The following FBXO10 variants were observed in gnomAD, a reference collection of about 807,000 sequenced individuals.
FBXO10 encodes the protein F-box only protein 10.
Under a neutral mutation model 80.7 loss-of-function variants are expected in FBXO10, and 39 were observed. That is an observed-to-expected ratio of 0.48 (90% confidence interval 0.37 to 0.63). The LOEUF (loss-of-function observed/expected upper bound fraction) is 0.63, where lower values mean the gene tolerates loss of function less well. Among genes scored for constraint, FBXO10 ranks in the 30% least tolerant of loss-of-function variants. The probability of loss-of-function intolerance (pLI) is 0.00; values close to 1 mark genes in which losing one functional copy is unlikely to be tolerated. For synonymous variants in FBXO10, 449 were observed against 489.6 expected (o/e 0.92, Z 1.09); for missense variants, 1,025 against 1,269.0 (o/e 0.81, Z 2.92).
chr9:37,539,914 G>C (rs1821869429), intron 2 of FBXO10, among the ~76,000 whole-genome samples: 2 of 152,180 alleles, frequency 1.3e-5, no homozygotes, highest in African/African-American at 4.8e-5. Context: ...TGAGGTCACA[G>C]ATGGAAAGTC....
At chr9:37,531,851 T>G in intron 4 of FBXO10, 58 bp downstream of exon 4, 1 of 1,593,308 alleles carries the variant, frequency 6.3e-7, no homozygotes, top group East Asian at 2.3e-5. Flanking sequence ...TTAAATATCC[T>G]CACAAATGGT....
Position 37,534,416 on chromosome 9 carries a change from G to A in FBXO10, c.1420-2358C>T, listed in dbSNP as rs1001183721. ...TCGGAGCGTGCAGTGAGCCCAGATC[G>A]TGCCACTGCAGTCCGGCCTGGGTGA... On this transcript the variant is annotated intron_variant, in intron 3 of 10. Coordinates refer to ENST00000432825, the MANE Select transcript of FBXO10 (RefSeq NM_012166.3). Among the ~76,000 whole-genome samples, 8 of 152,220 alleles carry A rather than the reference G, an allele frequency of 5.3e-5. No homozygotes were observed. The East Asian group carries it at 7.7e-4, about 15-fold the overall frequency.
At chr9:37,516,620 T>C (rs1821183628) in intron 9 of FBXO10, among the ~76,000 whole-genome samples, 1 of 152,142 alleles carries the variant, frequency 6.6e-6, no homozygotes. Flanking sequence ...AATTTACAAT[T>C]GCAAAAATAT....
intron 1 of FBXO10, among the ~76,000 whole-genome samples, chr9:37,571,714 C>CAT (rs71494672): frequency 0.072 from 6,662 of 92,876 alleles, 281 homozygotes; most frequent in Non-Finnish European, 0.09. Context: ...AAAAGAGAGC[C>CAT]ATATATATAT....
intron 8 of FBXO10, among the ~76,000 whole-genome samples, chr9:37,521,244 G>A (rs1821337405): frequency 6.6e-6 from 1 of 152,172 alleles, no homozygotes; most frequent in African/African-American, 2.4e-5. Context: ...AAAATAAGAA[G>A]CACCTCTGCT....
At chr9:37,567,731 T>C (rs1258117152) in intron 1 of FBXO10, among the ~76,000 whole-genome samples, 4 of 152,072 alleles carry the variant, frequency 2.6e-5, no homozygotes, top group African/African-American at 7.2e-5. Flanking sequence ...GGTTTCACCA[T>C]GTTGGCCAGG....
intron 3 of FBXO10, among the ~76,000 whole-genome samples, chr9:37,534,724 G>C (rs529828657): frequency 6.6e-6 from 1 of 152,150 alleles, no homozygotes; most frequent in Non-Finnish European, 1.5e-5. Context: ...ACGCAGGCTG[G>C]GGACAAAAGT....
intron 1 of FBXO10, among the ~76,000 whole-genome samples, chr9:37,550,332 G>A (rs1399056040): frequency 6.6e-6 from 1 of 150,728 alleles, no homozygotes; most frequent in African/African-American, 2.4e-5. Context: ...ACAGGCACCC[G>A]CCACAATGCC....
chr9:37,541,214 C>A lies in FBXO10; in HGVS notation c.555G>T (p.Thr185=), dbSNP rs374841247. Residue 185 remains threonine (T), a synonymous_variant, in exon 2 of 11, where the codon ACG becomes ACT. Coordinates refer to ENST00000432825, the MANE Select transcript of FBXO10 (RefSeq NM_012166.3). ...ACATGATGGGTGAGAACCAGGCTGGCGTGAAGACGAGGTTGCACAGGCGTG... is the reference window on the plus strand; with the variant it reads ...ACATGATGGGTGAGAACCAGGCTGGAGTGAAGACGAGGTTGCACAGGCGTG... ...STTRLCNLVF[T]PAWFSPIMYK... 8 of 1,608,904 alleles carry A rather than the reference C, an allele frequency of 5.0e-6. No homozygotes were observed. The African/African-American group carries it at 1.1e-4, about 21-fold the overall frequency.
Position 37,541,290 on chromosome 9 carries a change from T to G in FBXO10, c.479A>C (p.Lys160Thr). ...KVPVEIVGQG[K>T]LGEVALLASI... ...GGCCAGCAGGGCCACTTCACCCAAC[T>G]TCCCCTGCCCTACAATCTCCACAGG... Residue 160 changes from lysine (K) to threonine (T), a missense_variant, in exon 2 of 11, where the codon AAG (lysine) becomes ACG (threonine). By Grantham distance (78) the Lys-to-Thr change is moderately conservative. Coordinates refer to ENST00000432825, the MANE Select transcript of FBXO10 (RefSeq NM_012166.3). The G allele has an allele frequency of 6.2e-7, 1 of 1,613,958 alleles. No individual in the cohort carries two copies. Among genetic ancestry groups the G allele is most frequent in the Non-Finnish European group, 8.5e-7 (1 of 1,179,866 alleles).
At chr9:37,554,300 A>G (rs914612464) in intron 1 of FBXO10, among the ~76,000 whole-genome samples, 4 of 152,208 alleles carry the variant, frequency 2.6e-5, no homozygotes, top group African/African-American at 9.6e-5. Flanking sequence ...CATGTCAAAA[A>G]TGTTATATAA....
chr9:37,540,611 T>C (rs949791473), intron 2 of FBXO10, among the ~76,000 whole-genome samples: 4 of 152,220 alleles, frequency 2.6e-5, no homozygotes, highest in Non-Finnish European at 5.9e-5. Flanking sequence ...GGATACCTGC[T>C]TTACTTTGAA....
At position 37,537,849 on chromosome 9, in the gene FBXO10, G is replaced by C. The variant is rs770559384; in HGVS notation, c.680C>G (p.Thr227Ser). The C allele has an allele frequency of 6.2e-7, 1 of 1,613,940 alleles. No individual in the cohort carries two copies. Among genetic ancestry groups the C allele is most frequent in the South Asian group, 1.1e-5 (1 of 91,074 alleles). The change falls in exon 3 of 11, where the codon ACC becomes AGC. Residue 227 changes from threonine to serine, a missense_variant. Thr to Ser is a moderately conservative substitution (Grantham distance 58, BLOSUM62 1). This residue lies in a region of FBXO10 where 450 missense variants were observed against 499.4 expected (regional missense o/e 0.90). Coordinates refer to ENST00000432825, the MANE Select transcript of FBXO10 (RefSeq NM_012166.3). ...GPGTCQVKFC[T>S]FKNTHIFLHN... is the part of the protein sequence containing the mutation. Reference sequence around the variant, plus strand: ...CAGGAAGATATGGGTGTTTTTGAAGGTACAGAACTTCACTTGGCAAGTACC... The same window carrying C: ...CAGGAAGATATGGGTGTTTTTGAAGCTACAGAACTTCACTTGGCAAGTACC...
intron 1 of FBXO10, among the ~76,000 whole-genome samples, chr9:37,546,841 T>C (rs1311998973): frequency 2.6e-5 from 4 of 152,064 alleles, no homozygotes; most frequent in African/African-American, 9.7e-5. Context: ...CCACCACGCC[T>C]GGCTAATTTT....
At chr9:37,544,699 TAAGA>T (rs1457986170) in intron 1 of FBXO10, among the ~76,000 whole-genome samples, 2 of 151,912 alleles carry the variant, frequency 1.3e-5, no homozygotes, top group African/African-American at 4.8e-5. Context: ...GAGACTTTAC[TAAGA>T]GAGAAAAGCG....
chr9:37,533,901 C>T (rs944809307), intron 3 of FBXO10, among the ~76,000 whole-genome samples: 1 of 151,372 alleles, frequency 6.6e-6, no homozygotes, highest in South Asian at 2.1e-4. Context: ...AAAACACAAC[C>T]AACAAACAAA....
intron 1 of FBXO10, among the ~76,000 whole-genome samples, chr9:37,559,136 T>G (rs755291187): frequency 1.3e-5 from 2 of 152,210 alleles, no homozygotes; most frequent in African/African-American, 2.4e-5. Context: ...AAGCCAGACT[T>G]AGTAGGACCT....
chr9:37,523,048 C>T (rs1821382197), intron 6 of FBXO10, 71 bp from the exon 7 acceptor site: 8 of 1,534,968 alleles, frequency 5.2e-6, no homozygotes, highest in Non-Finnish European at 6.2e-6. Flanking sequence ...AGGACTTGGA[C>T]AGTTTTGATC....
chr9:37,541,214 C>T lies in FBXO10; in HGVS notation c.555G>A (p.Thr185=), dbSNP rs374841247. 2.9e-5 allele frequency: 46 copies of T among 1,608,786 alleles called. No individual in the cohort carries two copies. The highest frequency in any genetic ancestry group is 3.4e-5 in the Non-Finnish European group (40 of 1,177,416). ...ACATGATGGGTGAGAACCAGGCTGG[C>T]GTGAAGACGAGGTTGCACAGGCGTG... ...STTRLCNLVF[T]PAWFSPIMYK... is the part of the protein sequence containing the mutation. The change falls in exon 2 of 11, where the codon ACG becomes ACA. Residue 185 remains threonine, a synonymous_variant. Coordinates refer to ENST00000432825, the MANE Select transcript of FBXO10 (RefSeq NM_012166.3).
Sources: gnomAD v4.1 joint callset for allele counts (sites outside exome capture counted in the v4.1 genomes callset) on GRCh38, gnomAD v4.1.1 for gene constraint, gnomAD v4.1.1 regional missense constraint, MANE v1.5 for transcripts, NCBI Gene and HGNC (gene_info 2026-07-23, HGNC 2026-07-21) for gene names.